The following DNAI4 variants were observed in gnomAD, a reference collection of about 807,000 sequenced individuals.
DNAI4 encodes the protein WD repeat domain 78.
Under a neutral mutation model 105.8 loss-of-function variants are expected in DNAI4, and 85 were observed. The observed-to-expected ratio is 0.80, with a 90% CI of 0.67 to 0.96. DNAI4 has a LOEUF of 0.96. DNAI4 is among the 40% of genes least tolerant of loss of function. The pLI is 0.00. For missense variants in DNAI4, 1,014 were observed against 1,005.6 expected, an observed-to-expected ratio of 1.01 and a Z score of -0.11; for synonymous variants, 352 against 331.5, an observed-to-expected ratio of 1.06 and a Z score of -0.67.
At chr1:66,862,793 C>T (rs1646655853) in intron 6 of DNAI4, among the ~76,000 whole-genome samples, 1 of 152,174 alleles carries the variant, frequency 6.6e-6, no homozygotes, top group Admixed American at 6.5e-5. Flanking sequence ...CCCACTACCC[C>T]ACACCTCTAC....
At chr1:66,874,694 C>G in intron 5 of DNAI4, 87 bp downstream of exon 5, 3 of 1,434,344 alleles carry the variant, frequency 2.1e-6, no homozygotes. Flanking sequence ...CCAGAACCCC[C>G]AAGGACCCTT....
At chr1:66,827,331 GA>G (rs1645776351) in intron 14 of DNAI4, among the ~76,000 whole-genome samples, 1 of 151,930 alleles carries the variant, frequency 6.6e-6, no homozygotes, top group Non-Finnish European at 1.5e-5. Flanking sequence ...GGGAGAAAAT[GA>G]AGAAAATGTG....
At chr1:66,814,233 T>A in intron 16 of DNAI4, 53 bp from the exon 17 acceptor site, 1 of 1,383,570 alleles carries the variant, frequency 7.2e-7, no homozygotes, top group Non-Finnish European at 9.9e-7. Context: ...AATTAAAAGG[T>A]AAAGTAGTCT....
intron 2 of DNAI4, among the ~76,000 whole-genome samples, chr1:66,899,233 G>T (rs760962062): frequency 1.3e-5 from 2 of 152,100 alleles, no homozygotes; most frequent in Non-Finnish European, 2.9e-5. Flanking sequence ...GTGTATGAGG[G>T]TTCTGCTTTC....
intron 3 of DNAI4, 144 bp downstream of exon 3, chr1:66,893,085 G>GAAAGAAAGA (rs1647952306): frequency 7.6e-6 from 3 of 396,830 alleles, no homozygotes; most frequent in Non-Finnish European, 1.3e-5. Context: ...AAGAAAGAAA[G>GAAAGAAAGA]AAAGAAAGAA....
In DNAI4 at chr1:66,862,260, G is replaced by C; in HGVS notation, c.983C>G (p.Ala328Gly). The C allele has an allele frequency of 6.2e-7, 1 of 1,610,372 alleles. No homozygotes were observed. The highest frequency in any genetic ancestry group is 1.1e-5 in the South Asian group (1 of 89,962). Residue 328 changes from alanine (A) to glycine (G), a missense_variant, in exon 7 of 17, where the codon GCT (alanine) becomes GGT (glycine). By Grantham distance (60) the Ala-to-Gly change is moderately conservative (BLOSUM62 0). Coordinates refer to ENST00000371026, the MANE Select transcript of DNAI4 (RefSeq NM_024763.5). Reference protein sequence around the residue: ...TAWDLYDSYNAMELVSLSVKQ... With the variant: ...TAWDLYDSYNGMELVSLSVKQ... ...TACTGATAAAGATACAAGTTCCATA[G>C]CATTGTAAGAATCATACAAATCCCA...
intron 7 of DNAI4, among the ~76,000 whole-genome samples, chr1:66,856,481 A>G (rs1347917778): frequency 6.6e-6 from 1 of 152,068 alleles, no homozygotes; most frequent in Non-Finnish European, 1.5e-5. Context: ...TCAAAAAAAT[A>G]AAATAAAAAT....
At chr1:66,875,035 G>A in intron 4 of DNAI4, 98 bp from the exon 5 acceptor site, 2 of 1,166,782 alleles carry the variant, frequency 1.7e-6, no homozygotes, top group Non-Finnish European at 1.2e-6. Context: ...GTAATATATT[G>A]CAGGTGGTTT....
chr1:66,905,358 G>A lies in DNAI4; in HGVS notation c.188C>T (p.Pro63Leu), dbSNP rs916312202. Residue 63 changes from proline to leucine, a missense_variant, in exon 2 of 17, where the codon CCA (proline) becomes CTA (leucine). Pro to Leu is a moderately conservative substitution (Grantham distance 98). Transcript: ENST00000371026. ...AGCAAAAAAGCTAATAGACTTCTTT[G>A]GTTGTGTGGCATTGTTCCTATATAA... ...QNFGLNNATQ[P>L]KKSISFFATM... 1 of 1,480,442 alleles carries A rather than the reference G, an allele frequency of 6.8e-7. No homozygotes were observed. The highest frequency in any genetic ancestry group is 1.9e-5 in the Admixed American group (1 of 52,100). 91.7% of individuals were successfully genotyped at this position (1,480,442 alleles called of 1,614,324 possible).
At chr1:66,865,949 G>A (rs1463360862) in intron 6 of DNAI4, among the ~76,000 whole-genome samples, 1 of 152,146 alleles carries the variant, frequency 6.6e-6, no homozygotes, top group Admixed American at 6.5e-5. Context: ...TGGAAAGGTG[G>A]CATTTCAAAT....
intron 2 of DNAI4, among the ~76,000 whole-genome samples, chr1:66,901,537 A>G (rs565143856): frequency 2.6e-5 from 4 of 152,282 alleles, no homozygotes; most frequent in Admixed American, 2.0e-4. Flanking sequence ...TAATTTCATC[A>G]ATGATTTTTC....
intron 11 of DNAI4, 98 bp downstream of exon 11, chr1:66,835,528 A>G: frequency 7.9e-7 from 1 of 1,262,040 alleles, no homozygotes; most frequent in Admixed American, 2.1e-5. Flanking sequence ...TATCACTCTC[A>G]GTAACAACAA....
intron 16 of DNAI4, among the ~76,000 whole-genome samples, chr1:66,814,554 G>A (rs936065630): frequency 3.3e-5 from 5 of 152,126 alleles, no homozygotes; most frequent in African/African-American, 1.2e-4. Context: ...ATTTTTAGTA[G>A]AGATACGGTT....
chr1:66,840,154 A>G (rs1646118724), intron 9 of DNAI4, among the ~76,000 whole-genome samples: 3 of 152,224 alleles, frequency 2.0e-5, no homozygotes, highest in African/African-American at 4.8e-5. Flanking sequence ...AAATATACCA[A>G]TCGTATAGTT....
At chr1:66,861,757 A>G (rs1181143303) in intron 7 of DNAI4, among the ~76,000 whole-genome samples, 7 of 152,196 alleles carry the variant, frequency 4.6e-5, no homozygotes, top group African/African-American at 1.7e-4. Context: ...GAAGTAAAAT[A>G]GCCCCAAATT....
intron 16 of DNAI4, among the ~76,000 whole-genome samples, chr1:66,814,472 A>C (rs1345945842): frequency 6.6e-6 from 1 of 151,912 alleles, no homozygotes; most frequent in East Asian, 1.9e-4. Flanking sequence ...GGGTTCAAGC[A>C]ATTCTCCTGC....
chr1:66,816,346 T>C (rs551868307), intron 16 of DNAI4, among the ~76,000 whole-genome samples: 36 of 152,078 alleles, frequency 2.4e-4, no homozygotes, highest in African/African-American at 8.4e-4. Flanking sequence ...TCATATAGAA[T>C]GAAATCATAA....
At chr1:66,843,129 A>G (rs1646187901) in intron 8 of DNAI4, among the ~76,000 whole-genome samples, 1 of 139,466 alleles carries the variant, frequency 7.2e-6, no homozygotes. Context: ...GAGCCAGGGA[A>G]GCTGAGGCTA....
intron 7 of DNAI4, among the ~76,000 whole-genome samples, chr1:66,849,294 C>G (rs1196607157): frequency 7.0e-6 from 1 of 142,346 alleles, no homozygotes; most frequent in Non-Finnish European, 1.5e-5. Flanking sequence ...GAAACCAGAG[C>G]TCCTATCACT....
Sources: gnomAD v4.1 joint callset for allele counts (sites outside exome capture counted in the v4.1 genomes callset) on GRCh38, gnomAD v4.1.1 for gene constraint, MANE v1.5 for transcripts, NCBI Gene and HGNC (gene_info 2026-07-23, HGNC 2026-07-21) for gene names.